SORCS1: variants seen among roughly 807,000 people sequenced by gnomAD.
The protein encoded by SORCS1 is sortilin related VPS10 domain containing receptor 1, also known as VPS10 domain-containing receptor SorCS1.
In SORCS1, 60 loss-of-function variants were observed where a neutral mutation model predicts 146.1. That is an observed-to-expected ratio of 0.41 (90% CI 0.33 to 0.51). The LOEUF (loss-of-function observed/expected upper bound fraction) is 0.51. SORCS1 is among the 20% of genes least tolerant of loss of function. The pLI is 0.21. For missense variants in SORCS1, 1,352 were observed against 1,487.6 expected (o/e 0.91, Z 1.50); for synonymous variants, 637 against 584.0 (o/e 1.09, Z -1.31).
chr10:106,997,699 T>C (rs1307080654), intron 1 of SORCS1, among the ~76,000 whole-genome samples: 2 of 152,222 alleles, frequency 1.3e-5, no homozygotes, highest in African/African-American at 4.8e-5. Flanking sequence ...ATAGACACTG[T>C]GGTTTCAAGG....
chr10:106,740,259 A>AC, intron 5 of SORCS1, among the ~76,000 whole-genome samples: 1 of 152,008 alleles, frequency 6.6e-6, no homozygotes, highest in East Asian at 1.9e-4. Flanking sequence ...ATCACCAATT[A>AC]CCCCCCTAGG....
At chr10:106,587,164 T>C (rs1845292204) in intron 24 of SORCS1, among the ~76,000 whole-genome samples, 1 of 152,120 alleles carries the variant, frequency 6.6e-6, no homozygotes, top group South Asian at 2.1e-4. Flanking sequence ...AGATAAAAAA[T>C]ATATTTATTT....
chr10:106,910,405 G>C (rs1467923599), intron 2 of SORCS1, among the ~76,000 whole-genome samples: 1 of 151,882 alleles, frequency 6.6e-6, no homozygotes, highest in African/African-American at 2.4e-5. Flanking sequence ...CATATTATGG[G>C]GTTGCATGAA....
intron 1 of SORCS1, among the ~76,000 whole-genome samples, chr10:106,977,574 T>G (rs1956080266): frequency 6.7e-6 from 1 of 149,596 alleles, no homozygotes; most frequent in Non-Finnish European, 1.5e-5. Flanking sequence ...TTGTTTAACC[T>G]GTGTCATTCA....
intron 23 of SORCS1, among the ~76,000 whole-genome samples, chr10:106,603,804 G>A (rs1471505969): frequency 3.3e-5 from 5 of 152,256 alleles, no homozygotes; most frequent in East Asian, 1.9e-4. Flanking sequence ...AGTCAGTTGC[G>A]TTTGCCTCCC....
intron 1 of SORCS1, among the ~76,000 whole-genome samples, chr10:107,056,982 C>T (rs537925588): frequency 1.3e-5 from 2 of 152,310 alleles, no homozygotes; most frequent in East Asian, 1.9e-4. Flanking sequence ...ACCGTGTGCA[C>T]GGAGACTTTC....
intron 3 of SORCS1, among the ~76,000 whole-genome samples, chr10:106,788,543 G>A (rs541241934): frequency 6.2e-4 from 95 of 152,306 alleles, no homozygotes; most frequent in African/African-American, 2.2e-3. Context: ...AAACAAAGGG[G>A]CTACAGGTCC....
At chr10:107,119,096 A>G (rs1966227408) in intron 1 of SORCS1, among the ~76,000 whole-genome samples, 1 of 152,204 alleles carries the variant, frequency 6.6e-6, no homozygotes, top group Admixed American at 6.5e-5. Context: ...GAGCCAGTGA[A>G]ATGGAAGTGG....
intron 1 of SORCS1, among the ~76,000 whole-genome samples, chr10:107,075,534 G>A (rs554869380): frequency 6.6e-6 from 1 of 152,002 alleles, no homozygotes. Flanking sequence ...TACTGTTACA[G>A]AAAAAATCAT....
intron 2 of SORCS1, among the ~76,000 whole-genome samples, chr10:106,851,311 G>A (rs984980654): frequency 1.3e-5 from 2 of 152,168 alleles, no homozygotes; most frequent in African/African-American, 2.4e-5. Flanking sequence ...ATCTTCAGGA[G>A]TTTTATAGTT....
chr10:107,164,965 C>T (rs1414524855), upstream of SORCS1, among the ~76,000 whole-genome samples: 1 of 150,444 alleles, frequency 6.6e-6, no homozygotes, highest in Non-Finnish European at 1.5e-5. This position sits in a 1 kb window ranked among gnomAD's most constrained non-coding sequence, Gnocchi z 6.8. Context: ...TGCGCCCCCG[C>T]GGCCGCGGGT....
intron 2 of SORCS1, among the ~76,000 whole-genome samples, chr10:106,920,478 C>T (rs1400785683): frequency 1.3e-5 from 2 of 152,128 alleles, no homozygotes; most frequent in Non-Finnish European, 2.9e-5. Context: ...ATCCTGTATA[C>T]AACTATATTA....
chr10:106,839,500 G>A (rs1393585635), intron 2 of SORCS1, among the ~76,000 whole-genome samples: 2 of 152,138 alleles, frequency 1.3e-5, no homozygotes, highest in East Asian at 3.9e-4. Flanking sequence ...GGTTCATGAG[G>A]AAAAAAGCCT....
At chr10:106,692,258 G>A (rs1823034280) in intron 9 of SORCS1, among the ~76,000 whole-genome samples, 1 of 152,066 alleles carries the variant, frequency 6.6e-6, no homozygotes, top group Admixed American at 6.6e-5. Context: ...GTAGAGACAG[G>A]GTTTTGTCAC....
At chr10:106,857,141 C>A (rs1949818004) in intron 2 of SORCS1, among the ~76,000 whole-genome samples, 1 of 152,140 alleles carries the variant, frequency 6.6e-6, no homozygotes, top group Admixed American at 6.5e-5. Flanking sequence ...ATCCCCAGTC[C>A]CCAGGACAGT....
Position 106,928,995 on chromosome 10 carries a change from T to A in SORCS1, c.626+27518A>T, listed in dbSNP as rs561540565. 4.5e-4 allele frequency among the ~76,000 whole-genome samples: 69 copies of A among 151,842 alleles called. No individual in the cohort carries two copies. In the South Asian group the frequency reaches 0.014, roughly 30 times the overall value. ...AAAAATAGAACAAATCTTTTTAAAA[T>A]TGCAGTTACATGCAATTAAAGCATG... On this transcript the variant is annotated intron_variant, in intron 2 of 25. Transcript: ENST00000263054.
At chr10:106,920,060 C>T (rs762296791) in intron 2 of SORCS1, among the ~76,000 whole-genome samples, 49 of 152,148 alleles carry the variant, frequency 3.2e-4, no homozygotes, top group Middle Eastern at 3.2e-3. Context: ...CCTCCTCCTT[C>T]CAAAGTTATA....
chr10:106,606,413 C>T (rs997088040), intron 23 of SORCS1, among the ~76,000 whole-genome samples: 3 of 152,026 alleles, frequency 2.0e-5, no homozygotes, highest in Non-Finnish European at 4.4e-5. Context: ...TCATTACAAA[C>T]ACAAATTAGA....
intron 1 of SORCS1, among the ~76,000 whole-genome samples, chr10:106,973,606 G>A (rs566724554): frequency 6.6e-6 from 1 of 152,278 alleles, no homozygotes; most frequent in African/African-American, 2.4e-5. Context: ...AACTGCTGCT[G>A]CTGGCGGCTC....
Sources: gnomAD v4.1 joint callset for allele counts (sites outside exome capture counted in the v4.1 genomes callset) on GRCh38, gnomAD v4.1.1 for gene constraint, Gnocchi (gnomAD v3.1) non-coding constraint, MANE v1.5 for transcripts, NCBI Gene and HGNC (gene_info 2026-07-23, HGNC 2026-07-21) for gene names.